The following JARID2 variants were observed in gnomAD, a reference collection of about 807,000 sequenced individuals.
The protein encoded by JARID2 is protein Jumonji.
A neutral mutation model predicts 125.6 loss-of-function variants in JARID2; 21 were observed. The ratio of observed to expected loss-of-function variants is 0.17; its 90% CI spans 0.12 to 0.24. The LOEUF is 0.24. Ranked by LOEUF, JARID2 falls within the 10% of genes least tolerant of loss-of-function variation. The probability of loss-of-function intolerance (pLI) is 1.00; values close to 1 mark genes in which losing one functional copy is unlikely to be tolerated. For synonymous variants in JARID2, 736 were observed against 661.6 expected (o/e 1.11, Z -1.73); for missense variants, 1,303 against 1,639.6 (o/e 0.79, Z 3.55).
chr6:15,464,628 T>C (rs1439012484), intron 4 of JARID2, among the ~76,000 whole-genome samples: 1 of 152,186 alleles, frequency 6.6e-6, no homozygotes, highest in Non-Finnish European at 1.5e-5. Context: ...CTAAGGGTAC[T>C]CTGGTGGTGG....
intron 5 of JARID2, among the ~76,000 whole-genome samples, chr6:15,477,504 G>GTTTTT (rs56055395): frequency 7.3e-6 from 1 of 137,436 alleles, no homozygotes; most frequent in Non-Finnish European, 1.6e-5. Flanking sequence ...GGGAGTGTTG[G>GTTTTT]TTTTTTTTTT....
intron 3 of JARID2, among the ~76,000 whole-genome samples, chr6:15,448,422 A>C (rs1291631798): frequency 1.3e-5 from 2 of 152,116 alleles, no homozygotes; most frequent in Non-Finnish European, 2.9e-5. Context: ...GTCGCTGCAC[A>C]ATCTTCTCAT....
intron 3 of JARID2, among the ~76,000 whole-genome samples, chr6:15,441,781 T>A (rs1055674503): frequency 2.6e-5 from 4 of 152,078 alleles, no homozygotes; most frequent in Admixed American, 6.5e-5. Context: ...TTTATTTATT[T>A]ATTTTTATTT....
At chr6:15,487,001 T>TA (rs904797251) in intron 5 of JARID2, among the ~76,000 whole-genome samples, 2 of 152,116 alleles carry the variant, frequency 1.3e-5, no homozygotes, top group African/African-American at 2.4e-5. Flanking sequence ...TCAGGAAACT[T>TA]ACAATCATTG....
At chr6:15,473,414 C>T (rs189113886) in intron 5 of JARID2, among the ~76,000 whole-genome samples, 2 of 149,354 alleles carry the variant, frequency 1.3e-5, no homozygotes, top group Non-Finnish European at 3.0e-5. Flanking sequence ...GTGTGTTTCT[C>T]CTGATGAAAC....
chr6:15,297,485 ACT>A, intron 1 of JARID2, among the ~76,000 whole-genome samples: 1 of 136,050 alleles, frequency 7.4e-6, no homozygotes, highest in African/African-American at 2.7e-5. Flanking sequence ...CACATACAGC[ACT>A]CTTTTTTTTT....
At chr6:15,464,860 A>G (rs764830072) in intron 4 of JARID2, among the ~76,000 whole-genome samples, 1 of 152,208 alleles carries the variant, frequency 6.6e-6, no homozygotes, top group Non-Finnish European at 1.5e-5. Context: ...TCTAGGTTGA[A>G]AACAATCCTT....
chr6:15,515,206 T>C (rs1771488601), intron 16 of JARID2, among the ~76,000 whole-genome samples: 1 of 143,606 alleles, frequency 7.0e-6, no homozygotes, highest in African/African-American at 2.6e-5. Context: ...CCTGGTTAAC[T>C]TTTTTTTTTT....
At chr6:15,511,705 C>T (rs1581667685) in intron 13 of JARID2, among the ~76,000 whole-genome samples, 1 of 152,306 alleles carries the variant, frequency 6.6e-6, no homozygotes, top group East Asian at 1.9e-4. Context: ...GAGGAATGAG[C>T]ACAAAGGCTT....
At chr6:15,253,129 T>C (rs779994045) in intron 1 of JARID2, among the ~76,000 whole-genome samples, 1 of 151,954 alleles carries the variant, frequency 6.6e-6, no homozygotes, top group East Asian at 1.9e-4. Context: ...AGTGGCGTGG[T>C]CTCTGTTCAC....
chr6:15,364,256 G>A (rs989630264), intron 1 of JARID2, among the ~76,000 whole-genome samples: 5 of 152,134 alleles, frequency 3.3e-5, no homozygotes, highest in Admixed American at 6.5e-5. Context: ...CCACAGGGCC[G>A]TAATTCTAAC....
chr6:15,257,273 G>A (rs1759701450), intron 1 of JARID2, among the ~76,000 whole-genome samples: 1 of 152,174 alleles, frequency 6.6e-6, no homozygotes, highest in Non-Finnish European at 1.5e-5. Flanking sequence ...CTGTTGTGCA[G>A]ATGGCCTTTT....
intron 4 of JARID2, among the ~76,000 whole-genome samples, chr6:15,460,524 C>T (rs896331546): frequency 1.6e-4 from 24 of 152,306 alleles, no homozygotes; most frequent in African/African-American, 5.8e-4. Context: ...GGCCAAGCAC[C>T]TTGCTGACTG....
chr6:15,366,333 T>C (rs969010684), intron 1 of JARID2, among the ~76,000 whole-genome samples: 1 of 152,100 alleles, frequency 6.6e-6, no homozygotes, highest in African/African-American at 2.4e-5. Context: ...TTTTTTCATT[T>C]GCTATTCAGC....
chr6:15,516,526 G>A (rs1490521989), intron 16 of JARID2, among the ~76,000 whole-genome samples: 3 of 152,240 alleles, frequency 2.0e-5, no homozygotes, highest in Non-Finnish European at 4.4e-5. Flanking sequence ...CCGCCCAAGG[G>A]GGCCGGGGCT....
intron 3 of JARID2, among the ~76,000 whole-genome samples, chr6:15,446,762 G>A (rs1261829316): frequency 1.3e-5 from 2 of 152,208 alleles, no homozygotes; most frequent in Non-Finnish European, 2.9e-5. Context: ...TATGAATGAG[G>A]GACCATGGAG....
chr6:15,291,047 A>C (rs890862528), intron 1 of JARID2, among the ~76,000 whole-genome samples: 1 of 152,186 alleles, frequency 6.6e-6, no homozygotes, highest in South Asian at 2.1e-4. Context: ...CAGCCTGGAC[A>C]ACATAGCAAA....
At chr6:15,318,263 C>T (rs994928752) in intron 1 of JARID2, among the ~76,000 whole-genome samples, 1 of 151,936 alleles carries the variant, frequency 6.6e-6, no homozygotes, top group Non-Finnish European at 1.5e-5. Context: ...ATTTAAACTT[C>T]AAAGAGAAAG....
At chr6:15,375,225 G>A (rs1764307864) in intron 2 of JARID2, among the ~76,000 whole-genome samples, 1 of 152,184 alleles carries the variant, frequency 6.6e-6, no homozygotes, top group Admixed American at 6.5e-5. Context: ...ACCTGTTGCT[G>A]CTCTGTTTCT....
Sources: gnomAD v4.1 joint callset for allele counts (sites outside exome capture counted in the v4.1 genomes callset) on GRCh38, gnomAD v4.1.1 for gene constraint, MANE v1.5 for transcripts, NCBI Gene and HGNC (gene_info 2026-07-23, HGNC 2026-07-21) for gene names.